ELP3: variants seen among roughly 807,000 people sequenced by gnomAD.
The protein encoded by ELP3 is elongator acetyltransferase complex subunit 3.
In ELP3, 56 loss-of-function variants were observed where a neutral mutation model predicts 74.9. The observed-to-expected ratio is 0.75, with a 90% CI of 0.60 to 0.93. The LOEUF is 0.93. Ranked by LOEUF, ELP3 falls within the 40% of genes least tolerant of loss-of-function variation. The pLI is 0.00. For missense variants in ELP3, 573 were observed against 686.5 expected (o/e 0.83, Z 1.85); for synonymous variants, 222 against 239.8 (o/e 0.93, Z 0.68).
At chr8:28,091,429 T>C (rs1034753434), upstream of ELP3, among the ~76,000 whole-genome samples, 4 of 152,198 alleles carry the variant, frequency 2.6e-5, no homozygotes, top group African/African-American at 9.7e-5. Context: ...GAGGAGAACT[T>C]ATGTTCATTG....
chr8:28,172,626 G>C (rs1814574750), intron 14 of ELP3, among the ~76,000 whole-genome samples: 1 of 151,932 alleles, frequency 6.6e-6, no homozygotes, highest in South Asian at 2.1e-4. Context: ...TATCCAATTT[G>C]GGTGCCTTTC....
chr8:28,090,769 G>A (rs977760781), upstream of ELP3, among the ~76,000 whole-genome samples: 15 of 152,128 alleles, frequency 9.9e-5, no homozygotes, highest in Admixed American at 9.8e-4. Flanking sequence ...GGTTGAAAGA[G>A]TTATTATCTA....
intron 14 of ELP3, among the ~76,000 whole-genome samples, chr8:28,184,268 C>T (rs1244224800): frequency 2.0e-5 from 3 of 152,210 alleles, no homozygotes; most frequent in Non-Finnish European, 4.4e-5. Flanking sequence ...GATGCCAGCA[C>T]TTCTCAGAGG....
intron 8 of ELP3, 152 bp from the exon 9 acceptor site, chr8:28,132,126 G>T: frequency 8.5e-6 from 6 of 708,894 alleles, no homozygotes; most frequent in Non-Finnish European, 1.4e-5. Flanking sequence ...TTTTCCCCCA[G>T]CCATATGATT....
intron 12 of ELP3, among the ~76,000 whole-genome samples, chr8:28,159,521 A>G (rs1037180462): frequency 1.2e-4 from 18 of 152,158 alleles, no homozygotes; most frequent in African/African-American, 4.3e-4. Flanking sequence ...GTCCATATGT[A>G]TACTTTTCTC....
intron 9 of ELP3, among the ~76,000 whole-genome samples, chr8:28,133,816 A>G (rs1812874182): frequency 6.6e-6 from 1 of 152,306 alleles, no homozygotes; most frequent in South Asian, 2.1e-4. Flanking sequence ...ATTAATTCAC[A>G]GATATCCCTC....
chr8:28,182,760 G>A (rs1346655725), intron 14 of ELP3, among the ~76,000 whole-genome samples: 3 of 152,208 alleles, frequency 2.0e-5, no homozygotes, highest in East Asian at 1.9e-4. Context: ...CCCCTTTCCC[G>A]AATCCTTTGA....
intron 3 of ELP3, 108 bp downstream of exon 3, chr8:28,100,074 C>T: frequency 7.2e-7 from 1 of 1,383,152 alleles, no homozygotes. Flanking sequence ...GGATTCTGAA[C>T]TAATGAAGTC....
At chr8:28,160,796 GTGA>G (rs1814049915) in intron 13 of ELP3, among the ~76,000 whole-genome samples, 1 of 38,710 alleles carries the variant, frequency 2.6e-5, no homozygotes, top group Non-Finnish European at 4.6e-5. Flanking sequence ...CCTGGTTCAA[GTGA>G]TTCTCCTGCC....
chr8:28,091,321 T>C (rs1563240031), upstream of ELP3, among the ~76,000 whole-genome samples: 1 of 152,154 alleles, frequency 6.6e-6, no homozygotes, highest in African/African-American at 2.4e-5. Context: ...GAGGAGGGAA[T>C]AAGGAGGCAT....
At chr8:28,110,332 T>G in intron 5 of ELP3, 38 bp from the exon 6 acceptor site, 3 of 1,561,942 alleles carry the variant, frequency 1.9e-6, no homozygotes, top group Non-Finnish European at 2.6e-6. Flanking sequence ...TTTTTAGTTT[T>G]AATTCAATGT....
Position 28,129,579 on chromosome 8 carries a change from T to C in ELP3, c.695T>C (p.Leu232Ser), listed in dbSNP as rs989820879. ...CCAGATTACTGCATGAAGCGACATT[T>C]AAGTGACATGTTGACCTATGGCTGC... ...TRPDYCMKRH[L>S]SDMLTYGCTR... The change falls in exon 8 of 15, where the codon TTA becomes TCA. Residue 232 changes from leucine (L) to serine (S), a missense_variant. Leu to Ser is a moderately radical substitution (Grantham distance 145, BLOSUM62 -2). Coordinates refer to ENST00000256398, the MANE Select transcript of ELP3 (RefSeq NM_018091.6). The C allele has an allele frequency of 6.2e-7, 1 of 1,614,208 alleles. No individual in the cohort carries two copies. The highest frequency in any genetic ancestry group is 8.5e-7 in the Non-Finnish European group (1 of 1,180,020).
intron 3 of ELP3, among the ~76,000 whole-genome samples, chr8:28,101,105 G>GT (rs1245147832): frequency 1.4e-5 from 2 of 143,940 alleles, no homozygotes; most frequent in African/African-American, 3.0e-5. Flanking sequence ...GTTTTGTTTT[G>GT]TTTGTTTGTA....
intron 7 of ELP3, among the ~76,000 whole-genome samples, chr8:28,121,509 G>A (rs1360619414): frequency 6.6e-5 from 10 of 151,490 alleles, no homozygotes; most frequent in African/African-American, 2.4e-4. Flanking sequence ...TAGTAGAGAT[G>A]GGGTTTCACC....
chr8:28,161,610 G>GAAAAAAA (rs1163846087), intron 13 of ELP3, among the ~76,000 whole-genome samples: 1 of 60,618 alleles, frequency 1.6e-5, no homozygotes. Flanking sequence ...CGTCTCAAGA[G>GAAAAAAA]AAAAAAAAAA....
intron 5 of ELP3, among the ~76,000 whole-genome samples, chr8:28,108,950 C>T (rs1811806841): frequency 6.6e-6 from 1 of 151,642 alleles, no homozygotes; most frequent in Non-Finnish European, 1.5e-5. Context: ...AGGACCTAGT[C>T]CTAAGAATAT....
intron 7 of ELP3, among the ~76,000 whole-genome samples, chr8:28,125,894 A>C (rs1437642357): frequency 6.6e-6 from 1 of 151,620 alleles, no homozygotes; most frequent in African/African-American, 2.4e-5. Flanking sequence ...TCTAAGGTTA[A>C]CTTTTTGCAA....
At chr8:28,127,816 G>C (rs184376111) in intron 7 of ELP3, among the ~76,000 whole-genome samples, 35 of 152,274 alleles carry the variant, frequency 2.3e-4, no homozygotes, top group African/African-American at 8.2e-4. Flanking sequence ...CCTGTTGCCT[G>C]TGGTAATCCT....
In ELP3 at chr8:28,107,607, G is replaced by A. The variant is rs74652424; in HGVS notation, c.330-306G>A. Reference sequence around the variant, plus strand: ...AGTGTGGTTCCCAAGAGAACACTGAGTATTGATTCAAACTTAGGAAAACTT... The same window carrying A: ...AGTGTGGTTCCCAAGAGAACACTGAATATTGATTCAAACTTAGGAAAACTT... On this transcript the variant is annotated intron_variant, in intron 4 of 14. Coordinates refer to ENST00000256398, the MANE Select transcript of ELP3 (RefSeq NM_018091.6). Among the ~76,000 whole-genome samples, 1,159 of 152,310 alleles carry A rather than the reference G, an allele frequency of 7.6e-3. 21 individuals carry two copies. Among genetic ancestry groups the A allele is most frequent in the African/African-American group, 0.026 (1,079 of 41,570 alleles).
Sources: allele counts gnomAD v4.1 joint callset (sites outside exome capture counted in the v4.1 genomes callset), GRCh38; gene constraint gnomAD v4.1.1; transcripts MANE v1.5; gene names NCBI Gene and HGNC (gene_info 2026-07-23, HGNC 2026-07-21).